The following CLIP2 variants were observed in gnomAD, a reference collection of about 807,000 sequenced individuals.
The protein encoded by CLIP2 is CAP-Gly domain containing linker protein 2.
CLIP2 carries 41 observed loss-of-function variants against 111.7 expected under a neutral mutation model. The observed-to-expected ratio is 0.37, with a 90% CI of 0.29 to 0.48. The LOEUF (loss-of-function observed/expected upper bound fraction) is 0.48. CLIP2 is among the 20% of genes least tolerant of loss of function. CLIP2 has a pLI of 0.99. For missense variants in CLIP2, 1,160 were observed against 1,422.1 expected (o/e 0.82, Z 2.96); for synonymous variants, 660 against 644.2 (o/e 1.02, Z -0.37).
intron 1 of CLIP2, among the ~76,000 whole-genome samples, chr7:74,302,631 G>A (rs1788370652): frequency 6.6e-6 from 1 of 152,236 alleles, no homozygotes; most frequent in South Asian, 2.1e-4. Context: ...GTTGGGGTTT[G>A]ACTGGGGCAC....
chr7:74,354,998 C>A (rs1790107591), intron 4 of CLIP2, among the ~76,000 whole-genome samples: 1 of 152,020 alleles, frequency 6.6e-6, no homozygotes, highest in South Asian at 2.1e-4. Context: ...TGTGTCTGGG[C>A]TTATGGTAGG....
chr7:74,342,028 G>A (rs1789670248), intron 3 of CLIP2, among the ~76,000 whole-genome samples: 1 of 152,196 alleles, frequency 6.6e-6, no homozygotes, highest in Admixed American at 6.6e-5. Flanking sequence ...GCCTAGTGAT[G>A]TGGGGCCAGA....
In CLIP2 at chr7:74,322,294, A is replaced by G. The variant is rs566701529; in HGVS notation, c.121+4627A>G. ...GCGTGAGCCACTGTGACCGGCCTCC[A>G]TTTTTTAATCTTTTTTTTTTAAGAG... On this transcript the variant is annotated intron_variant, in intron 2 of 16. Coordinates refer to ENST00000223398, the MANE Select transcript of CLIP2 (RefSeq NM_003388.5). 2.6e-3 allele frequency among the ~76,000 whole-genome samples: 374 copies of G among 146,524 alleles called. 2 individuals carry two copies. The highest frequency in any genetic ancestry group is 9.2e-3 in the African/African-American group (365 of 39,882).
At chr7:74,336,620 A>G (rs1358065765) in intron 2 of CLIP2, among the ~76,000 whole-genome samples, 1 of 152,160 alleles carries the variant, frequency 6.6e-6, no homozygotes, top group Non-Finnish European at 1.5e-5. Context: ...GGTACCTCCC[A>G]AAACGTGGAA....
rs1554318190 is a variant in CLIP2 at position 74,404,159 on chromosome 7, T to A, written c.*311T>A. ...GGCAGAGGGGATCCGGCCAGGCCCCTCTGTCCAGAAGGAGCTGCCCTGAGG... is the reference window on the plus strand; with the variant it reads ...GGCAGAGGGGATCCGGCCAGGCCCCACTGTCCAGAAGGAGCTGCCCTGAGG... On this transcript the variant is annotated 3_prime_UTR_variant, in exon 17 of 17. Coordinates refer to ENST00000223398, the MANE Select transcript of CLIP2 (RefSeq NM_003388.5). 7.3e-6 allele frequency: 3 copies of A among 412,920 alleles called. No homozygotes were observed. The highest frequency in any genetic ancestry group is 2.0e-5 in the African/African-American group (1 of 49,500). 25.6% of individuals were successfully genotyped at this position (412,920 alleles called of 1,614,324 possible). A position where few individuals can be genotyped will look rare whatever the true frequency, so the allele number is the denominator to read the frequency against.
chr7:74,372,702 A>T (rs1209524775), intron 8 of CLIP2, among the ~76,000 whole-genome samples: 1 of 136,932 alleles, frequency 7.3e-6, no homozygotes, highest in Admixed American at 7.4e-5. Flanking sequence ...CCCAGCCGGG[A>T]CACAGCAAGG....
intron 4 of CLIP2, among the ~76,000 whole-genome samples, chr7:74,355,148 A>G (rs1378331973): frequency 6.6e-6 from 1 of 152,186 alleles, no homozygotes; most frequent in Non-Finnish European, 1.5e-5. Context: ...AGTGGTCACC[A>G]TGGCACAGGG....
intron 1 of CLIP2, among the ~76,000 whole-genome samples, chr7:74,295,989 CAA>C (rs368834820): frequency 2.1e-4 from 15 of 70,960 alleles, no homozygotes; most frequent in Non-Finnish European, 2.3e-4. Context: ...ACCCTGTCTC[CAA>C]AAAAAAAAAA....
intron 13 of CLIP2, among the ~76,000 whole-genome samples, chr7:74,391,205 G>A (rs143697268): frequency 6.6e-6 from 1 of 152,048 alleles, no homozygotes; most frequent in Non-Finnish European, 1.5e-5. Flanking sequence ...TGCTCTTTTG[G>A]TTGAACTATG....
intron 8 of CLIP2, among the ~76,000 whole-genome samples, chr7:74,370,913 C>T (rs1242204362): frequency 6.6e-6 from 1 of 152,008 alleles, no homozygotes; most frequent in Non-Finnish European, 1.5e-5. Context: ...CTTCACTATT[C>T]TTTTATGGTT....
intron 8 of CLIP2, among the ~76,000 whole-genome samples, chr7:74,369,500 G>A (rs963739742): frequency 1.6e-4 from 24 of 150,828 alleles, no homozygotes; most frequent in African/African-American, 5.1e-4. Context: ...CTATGATGGC[G>A]CCACTGCACT....
intron 16 of CLIP2, among the ~76,000 whole-genome samples, chr7:74,403,621 G>A (rs782434928): frequency 9.9e-5 from 15 of 152,046 alleles, no homozygotes; most frequent in South Asian, 2.1e-4. Context: ...CCTCGGCTCC[G>A]CTTCCCATCA....
At chr7:74,368,853 T>C (rs1176243013) in intron 8 of CLIP2, among the ~76,000 whole-genome samples, 9 of 152,242 alleles carry the variant, frequency 5.9e-5, no homozygotes, top group African/African-American at 1.7e-4. Flanking sequence ...GCCAGTCTTA[T>C]TTCAGCCATG....
At chr7:74,299,858 C>A (rs1241567920) in intron 1 of CLIP2, among the ~76,000 whole-genome samples, 1 of 151,792 alleles carries the variant, frequency 6.6e-6, no homozygotes, top group Non-Finnish European at 1.5e-5. Context: ...CCCCCATGCC[C>A]GGCTAATTTT....
intron 3 of CLIP2, among the ~76,000 whole-genome samples, chr7:74,350,115 G>A (rs1176188945): frequency 3.3e-5 from 5 of 151,842 alleles, no homozygotes; most frequent in East Asian, 1.9e-4. Context: ...GTGCAGTGGC[G>A]CAATCTCAGC....
intron 7 of CLIP2, among the ~76,000 whole-genome samples, chr7:74,361,798 C>T (rs868976661): frequency 6.6e-6 from 1 of 152,130 alleles, no homozygotes; most frequent in South Asian, 2.1e-4. Flanking sequence ...CTGTGTGCTT[C>T]GCTGGTGTCA....
intron 5 of CLIP2, 98 bp downstream of exon 5, chr7:74,356,721 T>A: frequency 8.8e-7 from 1 of 1,139,018 alleles, no homozygotes; most frequent in Non-Finnish European, 1.3e-6. Flanking sequence ...TGACTTACTC[T>A]AGTTCCAGTT....
intron 2 of CLIP2, among the ~76,000 whole-genome samples, chr7:74,334,133 C>T (rs548654527): frequency 3.6e-4 from 55 of 152,324 alleles, no homozygotes; most frequent in African/African-American, 1.3e-3. Flanking sequence ...TCGCCCTGGC[C>T]AAGCCAGTAT....
rs781879784 is a variant in CLIP2, at chr7:74,376,729, C to G, written c.2328C>G (p.Gly776=). 9 of 1,612,940 alleles carry G rather than the reference C, an allele frequency of 5.6e-6. No homozygotes were observed. The East Asian group carries it at 2.0e-4, about 36-fold the overall frequency. ...GGCTGCAGCGGGCAGAAGCCCAGGG[C>G]AAACAGGAGGTCGAGAGTTTGCGGG... is the stretch of plus-strand genomic sequence containing the variant. ...YERLQRAEAQ[G]KQEVESLREK... Residue 776 remains glycine (G), a synonymous_variant, in exon 10 of 17, where the codon GGC becomes GGG. Transcript: ENST00000223398. The surrounding 1 kb of genome is among the most constrained non-coding windows in gnomAD (Gnocchi z 7.1).
Sources: allele counts gnomAD v4.1 joint callset (sites outside exome capture counted in the v4.1 genomes callset), GRCh38; gene constraint gnomAD v4.1.1; non-coding constraint Gnocchi (gnomAD v3.1); transcripts MANE v1.5; gene names NCBI Gene and HGNC (gene_info 2026-07-23, HGNC 2026-07-21).